Variants in RPTOR observed in about 807,000 individuals in gnomAD.
The protein encoded by RPTOR is regulatory-associated protein of mTOR.
In RPTOR, 21 loss-of-function variants were observed where a neutral mutation model predicts 169.9. The observed-to-expected ratio is 0.12, with a 90% CI of 0.09 to 0.18. The LOEUF is 0.18. Among genes scored for constraint, RPTOR ranks in the 10% least tolerant of loss-of-function variants. The pLI is 1.00. For missense variants in RPTOR, 1,133 were observed against 1,855.9 expected (o/e 0.61, Z 7.16); for synonymous variants, 732 against 753.2 (o/e 0.97, Z 0.46).
In RPTOR at chr17:80,869,086, A is replaced by G. The variant is rs149526711; in HGVS notation, c.1509+11186A>G. 2.0e-3 allele frequency among the ~76,000 whole-genome samples: 299 copies of G among 152,354 alleles called. 2 individuals are homozygous for G. Among genetic ancestry groups the G allele is most frequent in the Non-Finnish European group, 3.3e-3 (227 of 68,032 alleles). ...AAATTTATATGTCGCTTATACATCA[A>G]TGAAGCGGCTAAAAAACTTCTCATT... is the stretch of plus-strand genomic sequence containing the variant. On this transcript the variant is annotated intron_variant, in intron 13 of 33. Coordinates refer to ENST00000306801, the MANE Select transcript of RPTOR (RefSeq NM_020761.3).
intron 4 of RPTOR, among the ~76,000 whole-genome samples, chr17:80,716,868 C>G (rs992117963): frequency 6.6e-6 from 1 of 152,232 alleles, no homozygotes; most frequent in East Asian, 1.9e-4. Context: ...TGTTGAAGAT[C>G]AGTTGGCTGT....
At chr17:80,745,773 C>G (rs2066566739) in intron 5 of RPTOR, among the ~76,000 whole-genome samples, 1 of 152,186 alleles carries the variant, frequency 6.6e-6, no homozygotes, top group South Asian at 2.1e-4. Context: ...TTGGTAAAGA[C>G]TCCTCTGGAG....
intron 3 of RPTOR, among the ~76,000 whole-genome samples, chr17:80,672,157 G>A (rs2065826639): frequency 6.6e-6 from 1 of 152,172 alleles, no homozygotes; most frequent in African/African-American, 2.4e-5. Context: ...CCTCTGTGAA[G>A]GTCAGGTTAA....
chr17:80,600,923 C>T (rs984656759), intron 1 of RPTOR, among the ~76,000 whole-genome samples: 4 of 79,018 alleles, frequency 5.1e-5, no homozygotes, highest in South Asian at 3.8e-4. Flanking sequence ...CAGCGTCTCC[C>T]GCCGCACGTG....
Position 80,622,456 on chromosome 17 carries a change from T to C in RPTOR, c.163-3235T>C, listed in dbSNP as rs183245799. Among the ~76,000 whole-genome samples, 3 of 152,370 alleles carry C rather than the reference T, an allele frequency of 2.0e-5. No homozygotes were observed. In the East Asian group the frequency reaches 5.8e-4, roughly 29 times the overall value. On this transcript the variant is annotated intron_variant, in intron 1 of 33. Coordinates refer to ENST00000306801, the MANE Select transcript of RPTOR (RefSeq NM_020761.3). ...ATGACTAATTAAATACAGTGACTTT[T>C]GTTGTTCTGATTTTTAGTGCTTTCT...
At chr17:80,751,596 T>C (rs569614122) in intron 5 of RPTOR, among the ~76,000 whole-genome samples, 144 of 152,210 alleles carry the variant, frequency 9.5e-4, no homozygotes, top group Middle Eastern at 3.4e-3. Context: ...CCTCGGTGAT[T>C]AAAAGCCACA....
intron 3 of RPTOR, among the ~76,000 whole-genome samples, chr17:80,675,526 C>G (rs927602376): frequency 2.6e-5 from 4 of 152,248 alleles, no homozygotes; most frequent in African/African-American, 9.6e-5. Flanking sequence ...CTGCAGCCCT[C>G]TGCACACCCA....
At chr17:80,792,705 A>G (rs927093402) in intron 7 of RPTOR, among the ~76,000 whole-genome samples, 2 of 152,000 alleles carry the variant, frequency 1.3e-5, no homozygotes, top group African/African-American at 4.8e-5. Flanking sequence ...ATGGGACTAG[A>G]TGATCTGTGC....
rs1567845930 is a variant in RPTOR at position 80,665,351 on chromosome 17, TCC to T, written c.348+21542_348+21543del. On this transcript the variant is annotated intron_variant, in intron 3 of 33. Coordinates refer to ENST00000306801, the MANE Select transcript of RPTOR (RefSeq NM_020761.3). ...CTTTTCCCTTTCCTTTCCTTTCCTT[TCC>T]TTTCCTTTCCTTTCCTTTCCTTTCC... 1.1e-3 allele frequency among the ~76,000 whole-genome samples: 6 copies of T among 5,224 alleles called. 1 individual carries two copies. The African/African-American group carries it at 0.012, about 10-fold the overall frequency. The allele number at this position is 5,224 out of a possible 152,430, so 3.4% of individuals were successfully genotyped here. A position where few individuals can be genotyped will look rare whatever the true frequency, so the allele number is the denominator to read the frequency against.
At chr17:80,870,139 T>G (rs1479584984) in intron 13 of RPTOR, among the ~76,000 whole-genome samples, 1 of 152,248 alleles carries the variant, frequency 6.6e-6, no homozygotes, top group Non-Finnish European at 1.5e-5. Flanking sequence ...CAGTCCAGAC[T>G]GACCTTCTGA....
chr17:80,572,976 T>A (rs750816671), intron 1 of RPTOR, among the ~76,000 whole-genome samples: 3 of 152,186 alleles, frequency 2.0e-5, no homozygotes, highest in Non-Finnish European at 4.4e-5. Flanking sequence ...GTATAAACTT[T>A]GTGTATGGTT....
intron 1 of RPTOR, among the ~76,000 whole-genome samples, chr17:80,580,370 A>G (rs915603171): frequency 6.6e-6 from 1 of 152,148 alleles, no homozygotes; most frequent in African/African-American, 2.4e-5. Flanking sequence ...AGTTTGTCCC[A>G]TTTTATGTGC....
At chr17:80,890,936 G>A (rs938567369) in intron 17 of RPTOR, among the ~76,000 whole-genome samples, 1 of 152,108 alleles carries the variant, frequency 6.6e-6, no homozygotes, top group Non-Finnish European at 1.5e-5. Context: ...CTAGCAAGGG[G>A]TCCTCTCACA....
chr17:80,550,669 C>A (rs1006830827), intron 1 of RPTOR, among the ~76,000 whole-genome samples: 1 of 152,140 alleles, frequency 6.6e-6, no homozygotes, highest in African/African-American at 2.4e-5. Context: ...ATCCTTAATT[C>A]TTTCCTCTCC....
intron 2 of RPTOR, among the ~76,000 whole-genome samples, chr17:80,634,037 A>ACAGAG (rs2065461922): frequency 6.6e-6 from 1 of 151,454 alleles, no homozygotes. Context: ...CTCTCGCTGG[A>ACAGAG]CAGAGCAAGG....
chr17:80,769,442 C>T (rs2066819946), intron 6 of RPTOR, among the ~76,000 whole-genome samples: 1 of 152,194 alleles, frequency 6.6e-6, no homozygotes, highest in South Asian at 2.1e-4. Flanking sequence ...TGCTTACTTG[C>T]AGGTTGAAAG....
intron 23 of RPTOR, among the ~76,000 whole-genome samples, chr17:80,924,668 G>A (rs1181379996): frequency 2.0e-5 from 3 of 151,926 alleles, no homozygotes; most frequent in Non-Finnish European, 4.4e-5. Flanking sequence ...CGACCCCCCG[G>A]GGTGGGGGGG....
At chr17:80,896,652 A>C (rs2068410013) in intron 20 of RPTOR, among the ~76,000 whole-genome samples, 1 of 151,650 alleles carries the variant, frequency 6.6e-6, no homozygotes, top group African/African-American at 2.4e-5. Context: ...CGTTTCTCAG[A>C]ACTGTCTTGG....
intron 1 of RPTOR, among the ~76,000 whole-genome samples, chr17:80,574,785 A>G (rs2064945477): frequency 6.7e-6 from 1 of 149,966 alleles, no homozygotes; most frequent in African/African-American, 2.5e-5. Context: ...CCTCCCAAGT[A>G]GCTGGGACTA....
Sources: allele counts gnomAD v4.1 joint callset (sites outside exome capture counted in the v4.1 genomes callset), GRCh38; gene constraint gnomAD v4.1.1; transcripts MANE v1.5; gene names NCBI Gene and HGNC (gene_info 2026-07-23, HGNC 2026-07-21).